The following PARP12 variants were observed in gnomAD, a reference collection of about 807,000 sequenced individuals.
The protein encoded by PARP12 is protein mono-ADP-ribosyltransferase PARP12.
PARP12 carries 59 observed loss-of-function variants against 72.4 expected under a neutral mutation model. The observed-to-expected ratio is 0.81, with a 90% CI of 0.66 to 1.01. PARP12 has a LOEUF of 1.01. Among genes scored for constraint, PARP12 ranks in the 50% least tolerant of loss-of-function variants. The pLI is 0.00. For missense variants in PARP12, 851 were observed against 914.0 expected (o/e 0.93, Z 0.89); for synonymous variants, 403 against 371.4 (o/e 1.09, Z -0.98).
At position 140,037,875 on chromosome 7, in the gene PARP12, C is replaced by T. The variant is rs148416214; in HGVS notation, c.1183-19G>A. Reference sequence around the variant, plus strand: ...CCGTGCCCTGCGATGGAAAGCCAGACACTTTATGAAGGCAAGAAACTGCGT... The same window carrying T: ...CCGTGCCCTGCGATGGAAAGCCAGATACTTTATGAAGGCAAGAAACTGCGT... On this transcript the variant is annotated intron_variant, in intron 6 of 11. Coordinates refer to ENST00000263549, the MANE Select transcript of PARP12 (RefSeq NM_022750.4). 157 of 1,599,270 alleles carry T rather than the reference C, an allele frequency of 9.8e-5. No homozygotes were observed. The African/African-American group carries it at 2.0e-3, about 20-fold the overall frequency.
At chr7:140,041,966 C>T (rs10267006) in intron 5 of PARP12, 127 bp from the exon 6 acceptor site, 130,001 of 765,486 alleles carry the variant, frequency 0.17, 12,366 homozygotes, top group African/African-American at 0.26. Context: ...AGAAAAAGTT[C>T]CCAGAGGTAG....
At chr7:140,036,722 G>A (rs1483075347) in intron 7 of PARP12, among the ~76,000 whole-genome samples, 1 of 152,102 alleles carries the variant, frequency 6.6e-6, no homozygotes, top group Non-Finnish European at 1.5e-5. Flanking sequence ...GAAGGACTCA[G>A]AGTTTAAAAT....
intron 4 of PARP12, among the ~76,000 whole-genome samples, chr7:140,051,346 T>C (rs1816949327): frequency 6.6e-6 from 1 of 152,186 alleles, no homozygotes; most frequent in Non-Finnish European, 1.5e-5. Flanking sequence ...TCCAGTCTTT[T>C]TTCTACATTA....
chr7:140,035,439 T>TCCCTA, intron 7 of PARP12, among the ~76,000 whole-genome samples: 1 of 152,320 alleles, frequency 6.6e-6, no homozygotes, highest in Admixed American at 6.5e-5. Context: ...TCAGACACAT[T>TCCCTA]CCCTACCCTT....
At chr7:140,052,491 T>C (rs1213815883) in intron 4 of PARP12, among the ~76,000 whole-genome samples, 2 of 152,328 alleles carry the variant, frequency 1.3e-5, no homozygotes, top group Non-Finnish European at 2.9e-5. Flanking sequence ...TTTGTCATTC[T>C]GCCACCCAAG....
chr7:140,048,072 G>C (rs1252995616), intron 4 of PARP12, among the ~76,000 whole-genome samples: 1 of 152,194 alleles, frequency 6.6e-6, no homozygotes, highest in Non-Finnish European at 1.5e-5. Flanking sequence ...GACGGGCAGA[G>C]ATCACAGCAA....
chr7:140,050,319 C>A (rs767964054), intron 4 of PARP12, among the ~76,000 whole-genome samples: 10 of 152,156 alleles, frequency 6.6e-5, no homozygotes, highest in Non-Finnish European at 1.2e-4. Context: ...CCCTAACTTG[C>A]TTGTGTGAAG....
At chr7:140,049,838 T>C (rs1042419069) in intron 4 of PARP12, among the ~76,000 whole-genome samples, 1 of 152,154 alleles carries the variant, frequency 6.6e-6, no homozygotes, top group African/African-American at 2.4e-5. Flanking sequence ...GGTAGAGACA[T>C]AAGGTCCTTT....
Position 140,054,682 on chromosome 7 carries a change from C to G in PARP12, c.842G>C (p.Arg281Pro). The change falls in exon 4 of 12, where the codon CGG (arginine) becomes CCG (proline). Residue 281 changes from arginine (R) to proline (P), a missense_variant. Arg to Pro is a moderately radical substitution (Grantham distance 103). Transcript: ENST00000263549. ...CTTACCTTGAAAGCTACAACTTTTC[C>G]GGATATGGTACAAACAGATCTGATC... Reference protein sequence around the residue: ...EGDQICLYHIRKSCSFQDKCH... With the variant: ...EGDQICLYHIPKSCSFQDKCH... The G allele has an allele frequency of 6.2e-7, 1 of 1,613,638 alleles. No individual in the cohort carries two copies. The highest frequency in any genetic ancestry group is 8.5e-7 in the Non-Finnish European group (1 of 1,179,588).
At chr7:140,031,847 T>C (rs968692316) in intron 8 of PARP12, among the ~76,000 whole-genome samples, 1 of 152,178 alleles carries the variant, frequency 6.6e-6, no homozygotes, top group Non-Finnish European at 1.5e-5. Context: ...AGGGTCATAA[T>C]CAACCAAAAC....
At chr7:140,035,631 G>A (rs1178400537) in intron 7 of PARP12, among the ~76,000 whole-genome samples, 3 of 152,142 alleles carry the variant, frequency 2.0e-5, no homozygotes, top group African/African-American at 7.2e-5. Flanking sequence ...GTCCCTAAAA[G>A]GGCAGAACTG....
intron 4 of PARP12, among the ~76,000 whole-genome samples, chr7:140,047,290 G>A (rs763217102): frequency 1.3e-5 from 2 of 152,202 alleles, no homozygotes; most frequent in Non-Finnish European, 2.9e-5. Flanking sequence ...CCTTTAAGAG[G>A]TGACTGGGTC....
Position 140,024,182 on chromosome 7 carries a change from A to C in PARP12, c.*378T>G. ...GTCATTCTGGAAAAACTATGATGCC[A>C]TGAGACTCTGAGAAACCGAATCACT... is the stretch of plus-strand genomic sequence containing the variant. On this transcript the variant is annotated 3_prime_UTR_variant, in exon 12 of 12. Transcript: ENST00000263549. 1 of 316,294 alleles carries C rather than the reference A, an allele frequency of 3.2e-6. No individual in the cohort carries two copies. Among genetic ancestry groups the C allele is most frequent in the Admixed American group, 4.6e-5 (1 of 21,772 alleles). The allele number at this position is 316,294 out of a possible 1,614,324, so 19.6% of individuals were successfully genotyped here. A position where few individuals can be genotyped will look rare whatever the true frequency, so the allele number is the denominator to read the frequency against.
chr7:140,034,478 T>C (rs1454125798), intron 7 of PARP12, 147 bp from the exon 8 acceptor site: 2 of 578,268 alleles, frequency 3.5e-6, no homozygotes, highest in Non-Finnish European at 3.0e-6. Context: ...AATAGGGCCA[T>C]TTTACACATT....
intron 8 of PARP12, chr7:140,033,386 A>G: frequency 6.1e-6 from 6 of 985,430 alleles, no homozygotes; most frequent in African/African-American, 1.7e-5. Flanking sequence ...TTGGTTCTCC[A>G]TAAAATAGAC....
intron 4 of PARP12, among the ~76,000 whole-genome samples, chr7:140,051,390 T>C (rs1816951974): frequency 6.6e-6 from 1 of 151,852 alleles, no homozygotes; most frequent in Non-Finnish European, 1.5e-5. Context: ...CTTTAAAGAT[T>C]TTTTTTCTTT....
At chr7:140,062,477 C>T (rs555315789) in intron 1 of PARP12, 45 bp downstream of exon 1, 2 of 1,495,104 alleles carry the variant, frequency 1.3e-6, no homozygotes, top group East Asian at 2.6e-5. Context: ...TGCGTGAGGG[C>T]GCGCAGGACC....
chr7:140,057,221 C>A, intron 2 of PARP12, 68 bp from the exon 3 acceptor site: 1 of 1,458,160 alleles, frequency 6.9e-7, no homozygotes, highest in Non-Finnish European at 9.3e-7. Flanking sequence ...CCCCAGTGGC[C>A]AGTCCACTGG....
In PARP12 at chr7:140,023,847, CCA is replaced by C. The variant is rs1815621718; in HGVS notation, c.*711_*712del. On this transcript the variant is annotated 3_prime_UTR_variant, in exon 12 of 12. Coordinates refer to ENST00000263549, the MANE Select transcript of PARP12 (RefSeq NM_022750.4). ...GTTAAAACCCACACTCGAAGGGTGTCCAGTGTGCTTAGGAAATGTGGGTTTGC... is the reference window on the plus strand; with the variant it reads ...GTTAAAACCCACACTCGAAGGGTGTCGTGTGCTTAGGAAATGTGGGTTTGC... 1 of 155,188 alleles carries C rather than the reference CCA, an allele frequency of 6.4e-6. No individual in the cohort carries two copies. Among genetic ancestry groups the C allele is most frequent in the African/African-American group, 2.4e-5 (1 of 41,454 alleles). 9.6% of individuals were successfully genotyped at this position (155,188 alleles called of 1,614,324 possible). A position where few individuals can be genotyped will look rare whatever the true frequency, so the allele number is the denominator to read the frequency against.
Sources: allele counts gnomAD v4.1 joint callset (sites outside exome capture counted in the v4.1 genomes callset), GRCh38; gene constraint gnomAD v4.1.1; transcripts MANE v1.5; gene names NCBI Gene and HGNC (gene_info 2026-07-23, HGNC 2026-07-21).